The following XIRP2 variants were observed in gnomAD, a reference collection of about 807,000 sequenced individuals.
The protein encoded by XIRP2 is xin actin-binding repeat-containing protein 2.
Under a neutral mutation model 277.0 loss-of-function variants are expected in XIRP2, and 236 were observed. The ratio of observed to expected loss-of-function variants is 0.85; its 90% confidence interval spans 0.77 to 0.95. The LOEUF is 0.95. Among genes scored for constraint, XIRP2 ranks in the 40% least tolerant of loss-of-function variants. XIRP2 has a pLI of 0.00. For missense variants in XIRP2, 4,640 were observed against 4,157.5 expected (o/e 1.12, Z -3.19); for synonymous variants, 1,490 against 1,416.5 (o/e 1.05, Z -1.17).
At chr2:167,010,883 G>T (rs1687657326) in intron 2 of XIRP2, among the ~76,000 whole-genome samples, 2 of 152,080 alleles carry the variant, frequency 1.3e-5, no homozygotes, top group South Asian at 2.1e-4. Context: ...TCTGTTATTG[G>T]TGTATAAGAA....
chr2:167,172,289 G>A (rs1692718850), intron 3 of XIRP2, among the ~76,000 whole-genome samples: 1 of 152,168 alleles, frequency 6.6e-6, no homozygotes, highest in African/African-American at 2.4e-5. Context: ...TGCTTCACAA[G>A]GTAATAAAAT....
intron 2 of XIRP2, among the ~76,000 whole-genome samples, chr2:167,115,464 C>A (rs1218763349): frequency 6.6e-6 from 1 of 152,158 alleles, no homozygotes; most frequent in Non-Finnish European, 1.5e-5. Context: ...TGCTTTCTTT[C>A]TCATTTGTGT....
At chr2:167,171,225 C>T (rs571871990) in intron 3 of XIRP2, among the ~76,000 whole-genome samples, 116 of 152,134 alleles carry the variant, frequency 7.6e-4, no homozygotes, top group South Asian at 3.1e-3. Flanking sequence ...ATGCATTTAG[C>T]GCTAAAAATG....
At chr2:167,155,034 A>G (rs1055432708) in intron 3 of XIRP2, among the ~76,000 whole-genome samples, 3 of 151,824 alleles carry the variant, frequency 2.0e-5, no homozygotes, top group African/African-American at 7.3e-5. Flanking sequence ...CACCCTCCCA[A>G]GACTAAACCA....
intron 3 of XIRP2, among the ~76,000 whole-genome samples, chr2:167,205,503 G>A (rs1367035854): frequency 6.6e-6 from 1 of 151,992 alleles, no homozygotes. Flanking sequence ...GCCTTTTACT[G>A]TTGCTGTACT....
chr2:166,957,148 T>C (rs1296942833), intron 2 of XIRP2, among the ~76,000 whole-genome samples: 1 of 151,712 alleles, frequency 6.6e-6, no homozygotes, highest in African/African-American at 2.4e-5. Flanking sequence ...GTTGTTGATT[T>C]TTCTCTTTAT....
At chr2:167,173,579 C>A (rs1454270187) in intron 3 of XIRP2, among the ~76,000 whole-genome samples, 1 of 152,170 alleles carries the variant, frequency 6.6e-6, no homozygotes, top group Non-Finnish European at 1.5e-5. Context: ...GTGAAGAAGG[C>A]TGCAATAAAC....
intron 2 of XIRP2, among the ~76,000 whole-genome samples, chr2:167,054,682 G>A (rs1180141228): frequency 4.0e-5 from 4 of 100,966 alleles, no homozygotes; most frequent in Admixed American, 1.9e-4. Flanking sequence ...AGACTCAGTC[G>A]CAAAAAAAAA....
chr2:167,055,101 C>T (rs748321044), intron 2 of XIRP2, among the ~76,000 whole-genome samples: 11 of 152,132 alleles, frequency 7.2e-5, no homozygotes, highest in Non-Finnish European at 8.8e-5. Flanking sequence ...TGGTAGAATC[C>T]GAAACCTATT....
At chr2:167,122,978 T>C (rs1211917691) in intron 2 of XIRP2, among the ~76,000 whole-genome samples, 2 of 152,272 alleles carry the variant, frequency 1.3e-5, no homozygotes, top group Admixed American at 6.5e-5. Flanking sequence ...TGCATTTGTT[T>C]CACCTGAGAA....
At chr2:166,961,662 A>C (rs1187884836) in intron 2 of XIRP2, among the ~76,000 whole-genome samples, 2 of 151,776 alleles carry the variant, frequency 1.3e-5, no homozygotes, top group African/African-American at 4.8e-5. Context: ...TACAGGGCTG[A>C]AAAAGGACAG....
chr2:167,154,973 C>G (rs200092080), intron 3 of XIRP2, among the ~76,000 whole-genome samples: 3 of 150,988 alleles, frequency 2.0e-5, no homozygotes, highest in African/African-American at 2.4e-5. Context: ...AACACCTCTA[C>G]GCAAATAAAC....
chr2:166,917,819 C>T (rs1158567548), intron 2 of XIRP2, among the ~76,000 whole-genome samples: 1 of 152,024 alleles, frequency 6.6e-6, no homozygotes, highest in Non-Finnish European at 1.5e-5. Flanking sequence ...ATTCTTTTAC[C>T]CAGCCTATCT....
chr2:167,187,072 C>A (rs1032146914), intron 3 of XIRP2, among the ~76,000 whole-genome samples: 1 of 152,146 alleles, frequency 6.6e-6, no homozygotes, highest in Admixed American at 6.6e-5. Context: ...CAAGTAATTC[C>A]GGAACTTTAA....
intron 2 of XIRP2, among the ~76,000 whole-genome samples, chr2:166,911,267 T>C (rs554753410): frequency 1.4e-4 from 22 of 152,292 alleles, no homozygotes; most frequent in Admixed American, 1.3e-3. Context: ...TGTAGGTCAC[T>C]CAGGACTTGC....
At chr2:167,037,084 C>A (rs956136685) in intron 2 of XIRP2, among the ~76,000 whole-genome samples, 1 of 152,160 alleles carries the variant, frequency 6.6e-6, no homozygotes, top group Non-Finnish European at 1.5e-5. Flanking sequence ...CAGACTAATA[C>A]AAGACCCCAA....
intron 2 of XIRP2, among the ~76,000 whole-genome samples, chr2:167,033,500 A>G (rs893146318): frequency 3.9e-5 from 6 of 152,152 alleles, no homozygotes; most frequent in Non-Finnish European, 8.8e-5. Flanking sequence ...GGAGAAATAT[A>G]TCAATATTCA....
intron 2 of XIRP2, among the ~76,000 whole-genome samples, chr2:167,025,408 G>C (rs1407185289): frequency 0.011 from 1,706 of 152,006 alleles, 28 homozygotes; most frequent in East Asian, 0.071. Flanking sequence ...AAAACCAGCT[G>C]CTGGATTCAT....
intron 3 of XIRP2, among the ~76,000 whole-genome samples, chr2:167,153,179 A>G (rs989221951): frequency 6.6e-6 from 1 of 152,148 alleles, no homozygotes; most frequent in African/African-American, 2.4e-5. Context: ...CATAGTTTTA[A>G]TTTGTGAGTA....
Sources: allele counts gnomAD v4.1 joint callset (sites outside exome capture counted in the v4.1 genomes callset), GRCh38; gene constraint gnomAD v4.1.1; transcripts MANE v1.5; gene names NCBI Gene and HGNC (gene_info 2026-07-23, HGNC 2026-07-21).